Variants in COPG2 observed in about 807,000 individuals in gnomAD.
COPG2 encodes the protein coat protein complex I subunit gamma 2.
COPG2 carries 37 observed loss-of-function variants against 46.3 expected under a neutral mutation model. That is an observed-to-expected ratio of 0.80 (90% CI 0.61 to 1.05). COPG2 has a LOEUF of 1.05. Among genes scored for constraint, COPG2 ranks in the 50% least tolerant of loss-of-function variants. The probability of loss-of-function intolerance (pLI) is 0.00; values close to 1 mark genes in which losing one functional copy is unlikely to be tolerated. For missense variants in COPG2, 427 were observed against 387.8 expected, an observed-to-expected ratio of 1.10 and a Z score of -0.85; for synonymous variants, 159 against 129.7, an observed-to-expected ratio of 1.23 and a Z score of -1.53.
At chr7:130,512,150 C>T (rs1363014189) in intron 20 of COPG2, among the ~76,000 whole-genome samples, 1 of 150,696 alleles carries the variant, frequency 6.6e-6, no homozygotes, top group African/African-American at 2.4e-5. Flanking sequence ...AGGAGAATCA[C>T]TTGAACCCAG....
chr7:130,551,316 G>T lies in COPG2; in HGVS notation c.1573C>A (p.Arg525=). Residue 525 remains arginine, a synonymous_variant, in exon 16 of 24, where the codon CGA becomes AGA. Transcript: ENST00000425248. The part of the protein sequence containing the change: ...RCMMDTDDEV[R]DRATFYLNVL... ...TTCAGATAGAAGGTAGCTCTGTCTC[G>T]TACCTCGTCATCAGTATCCATCATA... 1 of 398,442 alleles carries T rather than the reference G, an allele frequency of 2.5e-6. No individual in the cohort carries two copies. Among genetic ancestry groups the T allele is most frequent in the Non-Finnish European group, 4.4e-6 (1 of 226,006 alleles). 24.7% of individuals were successfully genotyped at this position (398,442 alleles called of 1,614,324 possible). A position where few individuals can be genotyped will look rare whatever the true frequency, so the allele number is the denominator to read the frequency against.
chr7:130,510,825 G>A (rs567725939), intron 20 of COPG2: 78 of 473,122 alleles, frequency 1.6e-4, no homozygotes, highest in Admixed American at 4.5e-5. Flanking sequence ...AGAGGATGAC[G>A]AAATGGGGCG....
chr7:130,633,602 G>A (rs1267205591), intron 5 of COPG2, among the ~76,000 whole-genome samples: 1 of 152,000 alleles, frequency 6.6e-6, no homozygotes, highest in Non-Finnish European at 1.5e-5. Flanking sequence ...TAAGTTCTTG[G>A]TAGATTCTAG....
intron 20 of COPG2, among the ~76,000 whole-genome samples, chr7:130,544,028 AG>A (rs2116375405): frequency 6.6e-6 from 1 of 152,360 alleles, no homozygotes; most frequent in East Asian, 1.9e-4. Context: ...TTTTAAAGCC[AG>A]ACTGAAGCAA....
chr7:130,523,511 G>T (rs1470688726), intron 20 of COPG2, among the ~76,000 whole-genome samples: 1 of 152,202 alleles, frequency 6.6e-6, no homozygotes, highest in Admixed American at 6.5e-5. Flanking sequence ...GAAGACGCAC[G>T]TGCAGTGGGG....
chr7:130,618,612 T>C (rs1794988543), intron 5 of COPG2, among the ~76,000 whole-genome samples: 1 of 152,206 alleles, frequency 6.6e-6, no homozygotes, highest in Admixed American at 6.5e-5. Flanking sequence ...TGAATACTTA[T>C]AAAGGTGACT....
intron 9 of COPG2, among the ~76,000 whole-genome samples, chr7:130,571,999 C>T (rs1402273264): frequency 2.6e-5 from 4 of 151,982 alleles, no homozygotes; most frequent in African/African-American, 9.7e-5. Context: ...GGAAAGGAAA[C>T]CCAAACATCA....
At chr7:130,628,650 A>C (rs1434128711) in intron 5 of COPG2, among the ~76,000 whole-genome samples, 1 of 152,138 alleles carries the variant, frequency 6.6e-6, no homozygotes, top group African/African-American at 2.4e-5. Context: ...TGTAGCTCCA[A>C]GTTTCTGCTT....
intron 12 of COPG2, among the ~76,000 whole-genome samples, chr7:130,558,446 T>C (rs1793665745): frequency 6.6e-6 from 1 of 152,254 alleles, no homozygotes; most frequent in Non-Finnish European, 1.5e-5. Context: ...CCATGCTTCC[T>C]GTTCAGCCTG....
At chr7:130,635,848 T>C (rs1039962645) in intron 5 of COPG2, among the ~76,000 whole-genome samples, 9 of 152,248 alleles carry the variant, frequency 5.9e-5, no homozygotes, top group Non-Finnish European at 1.3e-4. Context: ...TTTAGTGCTA[T>C]AAATTTCCCT....
chr7:130,518,108 G>A (rs1799693894), intron 20 of COPG2, among the ~76,000 whole-genome samples: 1 of 152,200 alleles, frequency 6.6e-6, no homozygotes, highest in Non-Finnish European at 1.5e-5. Flanking sequence ...TGGATATGTA[G>A]TAAAATTATG....
chr7:130,547,635 T>C (rs1435076363), intron 20 of COPG2, 39 bp downstream of exon 20: 8 of 398,562 alleles, frequency 2.0e-5, no homozygotes, highest in Non-Finnish European at 3.5e-5. Flanking sequence ...AGGAAATGCA[T>C]TCTGAATCAC....
At chr7:130,649,513 G>T (rs1795690005) in intron 5 of COPG2, among the ~76,000 whole-genome samples, 1 of 152,122 alleles carries the variant, frequency 6.6e-6, no homozygotes, top group Non-Finnish European at 1.5e-5. Flanking sequence ...TCCTTTCCAT[G>T]TAATTGCAGT....
intron 9 of COPG2, among the ~76,000 whole-genome samples, chr7:130,577,411 C>T (rs186121580): frequency 5.4e-4 from 82 of 152,264 alleles, no homozygotes; most frequent in African/African-American, 1.8e-3. Flanking sequence ...GGGTGATGGA[C>T]GCACCTGGAA....
intron 20 of COPG2, among the ~76,000 whole-genome samples, chr7:130,529,356 A>G (rs1451075425): frequency 6.6e-6 from 1 of 152,176 alleles, no homozygotes; most frequent in Admixed American, 6.5e-5. Flanking sequence ...CATCTTAACT[A>G]GAAAAACAGA....
Position 130,506,866 on chromosome 7 carries a change from A to C in COPG2, c.2486-60T>G, listed in dbSNP as rs1300894112. 189 of 717,832 alleles carry C rather than the reference A, an allele frequency of 2.6e-4. 1 individual carries two copies. The highest frequency in any genetic ancestry group is 3.3e-5 in the Non-Finnish European group (13 of 391,596). 44.5% of individuals were successfully genotyped at this position (717,832 alleles called of 1,614,324 possible). On this transcript the variant is annotated intron_variant, in intron 23 of 23. Coordinates refer to ENST00000425248, the MANE Select transcript of COPG2 (RefSeq NM_012133.6). Reference sequence around the variant, plus strand: ...ACCCAAAACAAGCACTGGATAATGAAATTTATCATGCTATCCCTGCATCTC... The same window carrying C: ...ACCCAAAACAAGCACTGGATAATGACATTTATCATGCTATCCCTGCATCTC...
At position 130,522,000 on chromosome 7, in the gene COPG2, G is replaced by C. The variant is rs1212650266; in HGVS notation, c.2150-13341C>G. ...TGTGATTCCAAAAAGGAGGAAAGAA[G>C]TTCAGAAATGAGTAGAGGAACTGAG... On this transcript the variant is annotated intron_variant, in intron 20 of 23. Coordinates refer to ENST00000425248, the MANE Select transcript of COPG2 (RefSeq NM_012133.6). 5.3e-5 allele frequency among the ~76,000 whole-genome samples: 8 copies of C among 152,262 alleles called. No homozygotes were observed. The East Asian group carries it at 1.5e-3, about 29-fold the overall frequency.
chr7:130,647,181 C>T (rs1795629594), intron 5 of COPG2, among the ~76,000 whole-genome samples: 1 of 151,910 alleles, frequency 6.6e-6, no homozygotes, highest in Non-Finnish European at 1.5e-5. Context: ...GCTGAGACTA[C>T]AGGCGTGTGC....
intron 20 of COPG2, among the ~76,000 whole-genome samples, chr7:130,534,774 G>C (rs1053456073): frequency 1.3e-5 from 2 of 152,096 alleles, no homozygotes; most frequent in Non-Finnish European, 2.9e-5. Context: ...AGGAAACGGT[G>C]GATCTGGACA....
Sources: allele counts gnomAD v4.1 joint callset (sites outside exome capture counted in the v4.1 genomes callset), GRCh38; gene constraint gnomAD v4.1.1; transcripts MANE v1.5; gene names NCBI Gene and HGNC (gene_info 2026-07-23, HGNC 2026-07-21).